Variants in SLC1A7 observed in about 807,000 individuals in gnomAD.
SLC1A7 encodes solute carrier family 1 member 7.
SLC1A7 carries 40 observed loss-of-function variants against 47.7 expected under a neutral mutation model. The ratio of observed to expected loss-of-function variants is 0.84; its 90% CI spans 0.65 to 1.09. The LOEUF is 1.09. SLC1A7 is among the 50% of genes least tolerant of loss of function. The pLI, the probability that SLC1A7 is intolerant of heterozygous loss-of-function variation, is 0.00. For synonymous variants in SLC1A7, 323 were observed against 325.6 expected, an observed-to-expected ratio of 0.99 and a Z score of 0.09; for missense variants, 746 against 769.5, an observed-to-expected ratio of 0.97 and a Z score of 0.36.
At chr1:53,132,827 C>T (rs1451531392) in intron 2 of SLC1A7, among the ~76,000 whole-genome samples, 1 of 152,138 alleles carries the variant, frequency 6.6e-6, no homozygotes, top group Non-Finnish European at 1.5e-5. Flanking sequence ...GCCTGGGCGA[C>T]AGGGCAAGAT....
Position 53,088,203 on chromosome 1 carries a change from G to T in SLC1A7, c.1489C>A (p.Pro497Thr). 1 of 1,611,050 alleles carries T rather than the reference G, an allele frequency of 6.2e-7. No homozygotes were observed. Among genetic ancestry groups the T allele is most frequent in the African/African-American group, 1.3e-5 (1 of 75,008 alleles). ...GCCACGATCTCCTGGAGGCTCACTG[G>T]CTTGGTCTCGCAGGGCAGCAGTTTC... ...TEKLLPCETKPVSLQEIVAAQ... is the reference protein window; with the variant it reads ...TEKLLPCETKTVSLQEIVAAQ... The change falls in exon 11 of 11, where the codon CCA becomes ACA. Residue 497 changes from proline to threonine, a missense_variant. Transcript: ENST00000371494.
intron 2 of SLC1A7, among the ~76,000 whole-genome samples, chr1:53,120,683 G>A (rs2150337485): frequency 6.6e-6 from 1 of 152,346 alleles, no homozygotes; most frequent in Middle Eastern, 3.4e-3. Flanking sequence ...CTTCCCCAGG[G>A]CACCCTGTGC....
chr1:53,131,305 C>T lies in SLC1A7; in HGVS notation c.215+3045G>A, dbSNP rs1644940177. 2.6e-5 allele frequency among the ~76,000 whole-genome samples: 4 copies of T among 152,336 alleles called. No individual in the cohort carries two copies. In the South Asian group the frequency reaches 8.3e-4, roughly 32 times the overall value. On this transcript the variant is annotated intron_variant, in intron 2 of 10. Transcript: ENST00000371494. ...GGTGGAGGCAGGTCGAGGACCCTGG[C>T]CTCTGACTTCTGAACAGGATTTTTT...
chr1:53,138,587 T>A (rs918864637), intron 1 of SLC1A7, among the ~76,000 whole-genome samples: 1 of 149,720 alleles, frequency 6.7e-6, no homozygotes, highest in South Asian at 2.1e-4. Flanking sequence ...AGGCTGGCCC[T>A]GAATGCCTGG....
In SLC1A7 at chr1:53,134,446, A is replaced by T; in HGVS notation, c.136-17T>A. ...ACTAATTTCCTGAAAACACAGTAAGAACTGGGGTTATAGCAAGAGATGCAG... is the reference window on the plus strand; with the variant it reads ...ACTAATTTCCTGAAAACACAGTAAGTACTGGGGTTATAGCAAGAGATGCAG... On this transcript the variant is annotated splice_polypyrimidine_tract_variant and intron_variant, in intron 1 of 10. Transcript: ENST00000371494. 6.4e-7 allele frequency: 1 copy of T among 1,570,212 alleles called. No individual in the cohort carries two copies. The highest frequency in any genetic ancestry group is 8.8e-7 in the Non-Finnish European group (1 of 1,141,594).
At position 53,093,520 on chromosome 1, in the gene SLC1A7, CA is replaced by C. The variant is rs746634631; in HGVS notation, c.737del (p.Leu246ArgfsTer13). ...CATTGAGGCACTGGCAGAAGCTGAC[CA>C]GGGGGGCCCCGCTGTCACCCATGCG... ...LGRMGDSGAP[L>X]VSFCQCLNES... is the part of the protein sequence containing the mutation. On this transcript the variant is annotated frameshift_variant, in exon 6 of 11. Transcript: ENST00000371494. LOFTEE classifies it high-confidence loss of function. 14 of 1,609,828 alleles carry C rather than the reference CA, an allele frequency of 8.7e-6. No individual in the cohort carries two copies. In the African/African-American group the frequency reaches 1.1e-4, roughly 12 times the overall value.
At chr1:53,127,856 C>T (rs994919364) in intron 2 of SLC1A7, among the ~76,000 whole-genome samples, 3 of 152,230 alleles carry the variant, frequency 2.0e-5, no homozygotes, top group East Asian at 1.9e-4. Flanking sequence ...AGCATGGAGG[C>T]GGATTCTCCC....
At chr1:53,097,671 A>C (rs1423299170) in intron 5 of SLC1A7, among the ~76,000 whole-genome samples, 5 of 146,736 alleles carry the variant, frequency 3.4e-5, no homozygotes, top group Admixed American at 3.4e-4. Context: ...ACCTCAGTAC[A>C]CTCGCTCTGC....
intron 2 of SLC1A7, among the ~76,000 whole-genome samples, chr1:53,122,453 G>A (rs1248204350): frequency 6.6e-6 from 1 of 152,112 alleles, no homozygotes; most frequent in East Asian, 1.9e-4. Context: ...GGGCAAGAGG[G>A]GTCCCTTCAG....
intron 1 of SLC1A7, 74 bp downstream of exon 1, chr1:53,142,241 G>A: frequency 6.7e-7 from 1 of 1,482,852 alleles, no homozygotes; most frequent in Non-Finnish European, 9.0e-7. Context: ...TGTGATGCTA[G>A]AACGGGACCC....
rs1214109490 is a variant in SLC1A7 at position 53,106,595 on chromosome 1, G to C, written c.432-821C>G. Among the ~76,000 whole-genome samples the C allele has an allele frequency of 1.3e-4, 10 of 76,374 alleles. No homozygotes were observed. In the East Asian group the frequency reaches 2.0e-3, roughly 15 times the overall value. 50.1% of individuals were successfully genotyped at this position (76,374 alleles called of 152,430 possible). On this transcript the variant is annotated intron_variant, in intron 3 of 10. Transcript: ENST00000371494. ...AGCCTGGGCGGCAGAGCAAGACACCGTCTCAAAAAAAAAAAAAAAGTAACT... is the reference window on the plus strand; with the variant it reads ...AGCCTGGGCGGCAGAGCAAGACACCCTCTCAAAAAAAAAAAAAAAGTAACT...
intron 7 of SLC1A7, 132 bp downstream of exon 7, chr1:53,092,422 G>A (rs536128496): frequency 3.6e-5 from 25 of 693,014 alleles, no homozygotes; most frequent in South Asian, 3.5e-4. Context: ...AGCACCAGCC[G>A]TCCCCGCATT....
intron 2 of SLC1A7, among the ~76,000 whole-genome samples, chr1:53,126,470 C>T (rs1023460219): frequency 5.3e-5 from 8 of 152,196 alleles, no homozygotes; most frequent in Non-Finnish European, 8.8e-5. Flanking sequence ...GGAGTTACGC[C>T]GGGTTATACA....
chr1:53,118,110 C>G (rs1344511867), intron 2 of SLC1A7, among the ~76,000 whole-genome samples: 1 of 152,252 alleles, frequency 6.6e-6, no homozygotes, highest in Non-Finnish European at 1.5e-5. Flanking sequence ...GTGGCTTCCA[C>G]TCAGAGCTCA....
intron 3 of SLC1A7, chr1:53,108,747 C>T (rs1282398578): frequency 7.3e-6 from 5 of 681,128 alleles, no homozygotes; most frequent in Admixed American, 2.3e-5. Flanking sequence ...GGCCTGGGAC[C>T]CTGGTGACTG....
chr1:53,126,259 C>A (rs116396837), intron 2 of SLC1A7, among the ~76,000 whole-genome samples: 131 of 152,346 alleles, frequency 8.6e-4, no homozygotes, highest in African/African-American at 3.1e-3. Context: ...CTGGTGGAGG[C>A]AATTCAGGCC....
intron 8 of SLC1A7, 114 bp downstream of exon 8, chr1:53,090,498 T>C: frequency 1.4e-6 from 2 of 1,420,850 alleles, no homozygotes; most frequent in African/African-American, 1.4e-5. Flanking sequence ...CTCTGCCTGC[T>C]GTGCTCCGAG....
At chr1:53,113,331 C>T (rs1644719784) in intron 3 of SLC1A7, among the ~76,000 whole-genome samples, 1 of 152,132 alleles carries the variant, frequency 6.6e-6, no homozygotes, top group African/African-American at 2.4e-5. Context: ...CCTAACACCT[C>T]TCCCTGGCGA....
At chr1:53,124,249 A>AATACAAC (rs1053959653) in intron 2 of SLC1A7, among the ~76,000 whole-genome samples, 67 of 6,996 alleles carry the variant, frequency 9.6e-3, no homozygotes, top group African/African-American at 9.8e-3. Flanking sequence ...ATACATACAC[A>AATACAAC]ACACACACAC....
Sources: allele counts gnomAD v4.1 joint callset (sites outside exome capture counted in the v4.1 genomes callset), GRCh38; gene constraint gnomAD v4.1.1; transcripts MANE v1.5; gene names NCBI Gene and HGNC (gene_info 2026-07-23, HGNC 2026-07-21).